KCNC2: variants seen among roughly 807,000 people sequenced by gnomAD.
KCNC2 encodes voltage-gated potassium channel KCNC2.
In KCNC2, 21 loss-of-function variants were observed where a neutral mutation model predicts 44.5. The ratio of observed to expected loss-of-function variants is 0.47; its 90% CI spans 0.33 to 0.68. The LOEUF (loss-of-function observed/expected upper bound fraction) is 0.68, where lower values mean the gene tolerates loss of function less well. KCNC2 is among the 30% of genes least tolerant of loss of function. The pLI is 0.01. For missense variants in KCNC2, 589 were observed against 826.2 expected, an observed-to-expected ratio of 0.71 and a Z score of 3.52; for synonymous variants, 391 against 339.1, an observed-to-expected ratio of 1.15 and a Z score of -1.68.
chr12:75,151,995 A>G (rs1047492361), intron 2 of KCNC2, among the ~76,000 whole-genome samples: 2 of 139,246 alleles, frequency 1.4e-5, no homozygotes, highest in East Asian at 3.0e-4. Context: ...TATTATATAT[A>G]TTACATATTA....
chr12:75,135,558 CA>C (rs1438958230), intron 2 of KCNC2, among the ~76,000 whole-genome samples: 3 of 151,978 alleles, frequency 2.0e-5, no homozygotes, highest in African/African-American at 7.2e-5. Flanking sequence ...TAGGAATCTA[CA>C]AACTAGTAGA....
At chr12:75,072,249 TAA>T (rs946017924) in intron 2 of KCNC2, among the ~76,000 whole-genome samples, 1 of 152,292 alleles carries the variant, frequency 6.6e-6, no homozygotes, top group African/African-American at 2.4e-5. Flanking sequence ...GGAGAAGAAC[TAA>T]AGTCGCCTTG....
intron 2 of KCNC2, among the ~76,000 whole-genome samples, chr12:75,146,521 G>A (rs1436798336): frequency 6.6e-6 from 1 of 152,094 alleles, no homozygotes; most frequent in East Asian, 1.9e-4. Context: ...TAGTATATGT[G>A]TAAACCACAC....
chr12:75,041,216 A>G lies in KCNC2; in HGVS notation c.*1889T>C, dbSNP rs535044504. 12 of 1,595,462 alleles carry G rather than the reference A, an allele frequency of 7.5e-6. No individual in the cohort carries two copies. In the South Asian group the frequency reaches 9.9e-5, roughly 13 times the overall value. ...TAAATTCTGTACAACACTGTAGTCAATAACAGCAGCACCAGACAGCATATT... is the reference window on the plus strand; with the variant it reads ...TAAATTCTGTACAACACTGTAGTCAGTAACAGCAGCACCAGACAGCATATT... On this transcript the variant is annotated 3_prime_UTR_variant, in exon 5 of 5. Coordinates refer to ENST00000549446, the MANE Select transcript of KCNC2 (RefSeq NM_139137.4).
chr12:75,098,978 G>C (rs1886158483), intron 2 of KCNC2, among the ~76,000 whole-genome samples: 1 of 152,156 alleles, frequency 6.6e-6, no homozygotes, highest in Admixed American at 6.5e-5. Context: ...TTCATTGTTT[G>C]ACCTTGCCCA....
At chr12:75,085,624 T>A (rs1206263397) in intron 2 of KCNC2, among the ~76,000 whole-genome samples, 2 of 152,034 alleles carry the variant, frequency 1.3e-5, no homozygotes, top group Non-Finnish European at 1.5e-5. Context: ...AAAGCTCCAT[T>A]AATTCTCTTA....
At chr12:75,096,531 T>C (rs978013744) in intron 2 of KCNC2, among the ~76,000 whole-genome samples, 10 of 152,062 alleles carry the variant, frequency 6.6e-5, no homozygotes, top group African/African-American at 1.9e-4. Flanking sequence ...AAAAATCATA[T>C]GGACAACTTG....
chr12:75,152,439 A>G (rs1256200731), intron 2 of KCNC2, among the ~76,000 whole-genome samples: 1 of 151,966 alleles, frequency 6.6e-6, no homozygotes, highest in East Asian at 1.9e-4. Flanking sequence ...TCAACATACA[A>G]TTCCATGTGT....
rs1879773350 is a variant in KCNC2 at position 75,040,383 on chromosome 12, G to A, written c.*2722C>T. 1 of 152,206 alleles carries A rather than the reference G, an allele frequency of 6.6e-6. No individual in the cohort carries two copies. Among genetic ancestry groups the A allele is most frequent in the Non-Finnish European group, 1.5e-5 (1 of 67,936 alleles). The allele number at this position is 152,206 out of a possible 1,614,324, so 9.4% of individuals were successfully genotyped here. A position where few individuals can be genotyped will look rare whatever the true frequency, so the allele number is the denominator to read the frequency against. The stretch of plus-strand genomic sequence containing the variant: ...CATTTGCCACAAAACTCACAAAAAA[G>A]TAATTGATTAAAGAATATCTCTTTT... On this transcript the variant is annotated 3_prime_UTR_variant, in exon 5 of 5. Coordinates refer to ENST00000549446, the MANE Select transcript of KCNC2 (RefSeq NM_139137.4).
chr12:75,145,322 G>T (rs979929993), intron 2 of KCNC2, among the ~76,000 whole-genome samples: 1 of 151,790 alleles, frequency 6.6e-6, no homozygotes, highest in African/African-American at 2.4e-5. Flanking sequence ...ACAATCCCAA[G>T]TTTAAAATGC....
At chr12:75,085,258 T>C (rs938133540) in intron 2 of KCNC2, among the ~76,000 whole-genome samples, 1 of 152,080 alleles carries the variant, frequency 6.6e-6, no homozygotes, top group African/African-American at 2.4e-5. Context: ...ATCTTGATTA[T>C]CTTATGTTAC....
At chr12:75,044,119 A>G (rs1880217820) in intron 4 of KCNC2, among the ~76,000 whole-genome samples, 1 of 151,996 alleles carries the variant, frequency 6.6e-6, no homozygotes, top group South Asian at 2.1e-4. Context: ...AAATATTTGC[A>G]TATTTTAGTA....
At chr12:75,186,645 T>C (rs925248490) in intron 2 of KCNC2, among the ~76,000 whole-genome samples, 2 of 152,214 alleles carry the variant, frequency 1.3e-5, no homozygotes, top group African/African-American at 4.8e-5. Flanking sequence ...GATTATTATA[T>C]TGAGAAACAA....
At chr12:75,095,776 T>C (rs1221054826) in intron 2 of KCNC2, among the ~76,000 whole-genome samples, 2 of 151,866 alleles carry the variant, frequency 1.3e-5, no homozygotes, top group South Asian at 4.1e-4. Context: ...ATGAATAAAT[T>C]TTATTAATCA....
chr12:75,098,789 G>A (rs1444384963), intron 2 of KCNC2, among the ~76,000 whole-genome samples: 2 of 108,240 alleles, frequency 1.8e-5, no homozygotes, highest in Admixed American at 1.8e-4. Flanking sequence ...AATAAATAAA[G>A]GAATGATATC....
chr12:75,041,273 T>C lies in KCNC2; in HGVS notation c.*1832A>G. 2 of 1,563,910 alleles carry C rather than the reference T, an allele frequency of 1.3e-6. No homozygotes were observed. The highest frequency in any genetic ancestry group is 1.7e-6 in the Non-Finnish European group (2 of 1,160,664). ...TTTACCATAAATTTGTGTGTAATTA[T>C]AATGTTCTATGTGTGGTGTTATCAA... is the stretch of plus-strand genomic sequence containing the variant. On this transcript the variant is annotated 3_prime_UTR_variant, in exon 5 of 5. Transcript: ENST00000549446.
intron 4 of KCNC2, chr12:75,043,761 G>T: frequency 6.6e-7 from 1 of 1,509,624 alleles, no homozygotes; most frequent in Non-Finnish European, 8.8e-7. Context: ...TTAAATAATG[G>T]CATTTGGTGC....
intron 2 of KCNC2, among the ~76,000 whole-genome samples, chr12:75,105,186 G>C (rs1435194609): frequency 6.6e-6 from 1 of 152,090 alleles, no homozygotes; most frequent in African/African-American, 2.4e-5. Flanking sequence ...CCTCATTGCA[G>C]AGTGACATAT....
chr12:75,182,542 A>C (rs1378593688), intron 2 of KCNC2, among the ~76,000 whole-genome samples: 12 of 148,500 alleles, frequency 8.1e-5, no homozygotes, highest in African/African-American at 2.7e-4. Flanking sequence ...AAAAAACAAA[A>C]AAAACAAAAA....
Sources: gnomAD v4.1 joint callset for allele counts (sites outside exome capture counted in the v4.1 genomes callset) on GRCh38, gnomAD v4.1.1 for gene constraint, MANE v1.5 for transcripts, NCBI Gene and HGNC (gene_info 2026-07-23, HGNC 2026-07-21) for gene names.